STON2: variants seen among roughly 807,000 people sequenced by gnomAD.
STON2 encodes stonin-2.
In STON2, 29 loss-of-function variants were observed where a neutral mutation model predicts 65.7. The observed-to-expected ratio is 0.44, with a 90% CI of 0.33 to 0.60. The LOEUF is 0.60. Ranked by LOEUF, STON2 falls within the 20% of genes least tolerant of loss-of-function variation. The probability of loss-of-function intolerance (pLI) is 0.03; values close to 1 mark genes in which losing one functional copy is unlikely to be tolerated. For missense variants in STON2, 1,054 were observed against 1,118.1 expected (o/e 0.94, Z 0.82); for synonymous variants, 404 against 414.2 (o/e 0.98, Z 0.30).
intron 1 of STON2, among the ~76,000 whole-genome samples, chr14:81,435,380 G>A (rs183715252): frequency 1.3e-5 from 2 of 152,254 alleles, no homozygotes; most frequent in East Asian, 3.9e-4. Flanking sequence ...TAAATAATAA[G>A]AGCCGGTATT....
At chr14:81,368,611 G>A (rs1178079305) in intron 4 of STON2, among the ~76,000 whole-genome samples, 2 of 152,158 alleles carry the variant, frequency 1.3e-5, no homozygotes, top group Non-Finnish European at 2.9e-5. Flanking sequence ...CTACTTGGGA[G>A]GCTGAGGCAG....
chr14:81,398,565 T>C lies in STON2; in HGVS notation c.-183A>G, dbSNP rs1258350318. ...ATCAGCCTCTCTTGCCGTTGGTTAATCTGCCAGGCAGAAATCTGTTTAACA... is the reference window on the plus strand; with the variant it reads ...ATCAGCCTCTCTTGCCGTTGGTTAACCTGCCAGGCAGAAATCTGTTTAACA... On this transcript the variant is annotated 5_prime_UTR_variant, in exon 2 of 8. Transcript: ENST00000614646. 3 of 473,754 alleles carry C rather than the reference T, an allele frequency of 6.3e-6. No homozygotes were observed. The highest frequency in any genetic ancestry group is 6.0e-5 in the African/African-American group (3 of 50,266). The allele number at this position is 473,754 out of a possible 1,614,324, so 29.3% of individuals were successfully genotyped here.
At chr14:81,309,973 T>A (rs1438538702) in intron 5 of STON2, among the ~76,000 whole-genome samples, 1 of 152,182 alleles carries the variant, frequency 6.6e-6, no homozygotes, top group Non-Finnish European at 1.5e-5. Context: ...GGACTCTGAA[T>A]TAGAGCTGGG....
intron 2 of STON2, among the ~76,000 whole-genome samples, chr14:81,419,040 C>T (rs1901575769): frequency 6.9e-6 from 1 of 144,032 alleles, no homozygotes; most frequent in Non-Finnish European, 1.5e-5. Flanking sequence ...CCTTTCTAAG[C>T]TCTACAAATT....
chr14:81,416,215 T>A (rs17111797), intron 2 of STON2, among the ~76,000 whole-genome samples: 31,378 of 152,080 alleles, frequency 0.21, 4,837 homozygotes, highest in African/African-American at 0.42. Context: ...TTTTCATGAA[T>A]AATAAGCGCT....
intron 7 of STON2, chr14:81,270,124 G>A: frequency 6.0e-6 from 5 of 829,144 alleles, no homozygotes; most frequent in Non-Finnish European, 7.3e-6. Flanking sequence ...GTCTCGCTCT[G>A]TCACTCAGGC....
At position 81,268,062 on chromosome 14, in the gene STON2, G is replaced by C. The variant is rs1894425094; in HGVS notation, c.*352C>G. On this transcript the variant is annotated 3_prime_UTR_variant, in exon 8 of 8. Transcript: ENST00000614646. ...AGGCAATCGTGCTAACACTGATGTGGGAGGTTCTTTTCCTGACTGTAACAG... is the reference window on the plus strand; with the variant it reads ...AGGCAATCGTGCTAACACTGATGTGCGAGGTTCTTTTCCTGACTGTAACAG... 9 of 994,882 alleles carry C rather than the reference G, an allele frequency of 9.0e-6. No homozygotes were observed. The South Asian group carries it at 3.1e-4, about 35-fold the overall frequency. The allele number at this position is 994,882 out of a possible 1,614,324, so 61.6% of individuals were successfully genotyped here. A position where few individuals can be genotyped will look rare whatever the true frequency, so the allele number is the denominator to read the frequency against.
At chr14:81,340,404 A>G (rs1053582417) in intron 4 of STON2, among the ~76,000 whole-genome samples, 1 of 152,184 alleles carries the variant, frequency 6.6e-6, no homozygotes, top group Non-Finnish European at 1.5e-5. Context: ...AGGTGGGTAC[A>G]TGTGTCAAAA....
intron 4 of STON2, among the ~76,000 whole-genome samples, chr14:81,361,973 C>T (rs1898512876): frequency 1.3e-5 from 2 of 151,918 alleles, no homozygotes; most frequent in South Asian, 4.1e-4. Context: ...ATGGCATTAT[C>T]AAAAAGATTA....
chr14:81,325,424 T>C (rs886508438), intron 4 of STON2, among the ~76,000 whole-genome samples: 1 of 140,820 alleles, frequency 7.1e-6, no homozygotes, highest in Non-Finnish European at 1.5e-5. Flanking sequence ...ATTAAAGAGA[T>C]GTGTTGTTTT....
At chr14:81,359,757 A>G (rs1053119297) in intron 4 of STON2, among the ~76,000 whole-genome samples, 1 of 152,236 alleles carries the variant, frequency 6.6e-6, no homozygotes, top group African/African-American at 2.4e-5. Context: ...AAGTAGGATA[A>G]CCTGGAAGAA....
chr14:81,339,092 A>C (rs1272034014), intron 4 of STON2, among the ~76,000 whole-genome samples: 1 of 152,166 alleles, frequency 6.6e-6, no homozygotes, highest in Non-Finnish European at 1.5e-5. Flanking sequence ...GGTGGAGGCA[A>C]GCAAGAAAGG....
chr14:81,284,270 C>T (rs1217118607), intron 5 of STON2, among the ~76,000 whole-genome samples: 2 of 152,192 alleles, frequency 1.3e-5, no homozygotes, highest in African/African-American at 4.8e-5. Flanking sequence ...GCTTAGTGAA[C>T]AAGGCATGTC....
At chr14:81,405,674 T>A (rs1900824413) in intron 2 of STON2, among the ~76,000 whole-genome samples, 1 of 152,150 alleles carries the variant, frequency 6.6e-6, no homozygotes, top group South Asian at 2.1e-4. Flanking sequence ...CTTGGTCTTT[T>A]ACTTCATTGG....
At chr14:81,370,815 T>C (rs757895493) in intron 4 of STON2, among the ~76,000 whole-genome samples, 173 bp downstream of exon 4, 7 of 152,252 alleles carry the variant, frequency 4.6e-5, no homozygotes, top group Non-Finnish European at 1.0e-4. Flanking sequence ...TGTATACATC[T>C]TCCCCAATGC....
intron 2 of STON2, among the ~76,000 whole-genome samples, chr14:81,397,146 C>G (rs1900365715): frequency 6.6e-6 from 1 of 152,122 alleles, no homozygotes; most frequent in Admixed American, 6.5e-5. Flanking sequence ...ATCAGCTGTA[C>G]AACAAAAGAA....
At chr14:81,282,012 A>G (rs547323443) in intron 5 of STON2, among the ~76,000 whole-genome samples, 1 of 152,360 alleles carries the variant, frequency 6.6e-6, no homozygotes, top group East Asian at 1.9e-4. Context: ...TCTGAAATTG[A>G]GATTTTGTTT....
chr14:81,384,848 T>C (rs1899716373), intron 3 of STON2, among the ~76,000 whole-genome samples: 1 of 152,252 alleles, frequency 6.6e-6, no homozygotes, highest in Non-Finnish European at 1.5e-5. Flanking sequence ...ACCAGAGTTA[T>C]AGGATTTTTT....
intron 3 of STON2, among the ~76,000 whole-genome samples, chr14:81,382,054 C>T (rs1007692955): frequency 3.9e-5 from 6 of 151,994 alleles, no homozygotes; most frequent in African/African-American, 1.5e-4. Context: ...CCCATCTCTA[C>T]TAAAAACACA....
Sources: allele counts gnomAD v4.1 joint callset (sites outside exome capture counted in the v4.1 genomes callset), GRCh38; gene constraint gnomAD v4.1.1; transcripts MANE v1.5; gene names NCBI Gene and HGNC (gene_info 2026-07-23, HGNC 2026-07-21).